RAD54L: variants seen among roughly 807,000 people sequenced by gnomAD.
RAD54L encodes the protein RAD54 like, also known as DNA repair and recombination protein RAD54-like.
In RAD54L, 74 loss-of-function variants were observed where a neutral mutation model predicts 91.6. That is an observed-to-expected ratio of 0.81 (90% CI 0.67 to 0.98). The LOEUF (loss-of-function observed/expected upper bound fraction) is 0.98. Ranked by LOEUF, RAD54L falls within the 50% of genes least tolerant of loss-of-function variation. The pLI, the probability that RAD54L is intolerant of heterozygous loss-of-function variation, is 0.00. For synonymous variants in RAD54L, 304 were observed against 349.7 expected (o/e 0.87, Z 1.46); for missense variants, 887 against 945.7 (o/e 0.94, Z 0.81).
chr1:46,273,596 G>C (rs1213349853), intron 13 of RAD54L, 28 bp from the exon 14 acceptor site: 1 of 1,612,902 alleles, frequency 6.2e-7, no homozygotes, highest in Non-Finnish European at 8.5e-7. Flanking sequence ...ACAGCCAGTA[G>C]GGGACTGCTG....
Position 46,273,658 on chromosome 1 carries a change from G to T in RAD54L, c.1521G>T (p.Val507=), listed in dbSNP as rs1377171523. The change falls in exon 14 of 18, where the codon GTG becomes GTT. Residue 507 remains valine, a synonymous_variant. Transcript: ENST00000371975. ...KMLVLDYILA[V]TRSRSSDKVV... The stretch of plus-strand genomic sequence containing the variant: ...TGGTCCTGGATTATATTCTGGCGGT[G>T]ACCCGAAGCCGTAGCAGTGACAAAG... The T allele has an allele frequency of 6.2e-7, 1 of 1,613,828 alleles. No homozygotes were observed. The highest frequency in any genetic ancestry group is 1.7e-5 in the Admixed American group (1 of 60,006).
At chr1:46,269,112 G>GA (rs1200644006) in intron 9 of RAD54L, among the ~76,000 whole-genome samples, 1 of 152,012 alleles carries the variant, frequency 6.6e-6, no homozygotes, top group Admixed American at 6.6e-5. Flanking sequence ...ATCATATATT[G>GA]AAAAAACCGT....
At chr1:46,275,110 A>C (rs896391737) in intron 16 of RAD54L, among the ~76,000 whole-genome samples, 2 of 151,798 alleles carry the variant, frequency 1.3e-5, no homozygotes, top group African/African-American at 4.8e-5. Context: ...ACTTGACTAC[A>C]CTCTTTTCTT....
intron 12 of RAD54L, 122 bp downstream of exon 12, chr1:46,272,924 G>A: frequency 1.4e-6 from 2 of 1,395,424 alleles, no homozygotes; most frequent in East Asian, 2.3e-5. Flanking sequence ...GGCCACATGT[G>A]ATTCCAACCC....
chr1:46,277,896 A>G lies in RAD54L; in HGVS notation c.1949A>G (p.Gln650Arg), dbSNP rs1198565047. Residue 650 changes from glutamine (Q) to arginine (R), a missense_variant, in exon 17 of 18, where the codon CAG (glutamine) becomes CGG (arginine). Transcript: ENST00000371975. ...ALSSCVVDEE[Q>R]DVERHFSLGE... Reference sequence around the variant, plus strand: ...AGCAGCTGTGTGGTGGATGAGGAGCAGGATGTAGAGCGCCACTTCTCTCTG... The same window carrying G: ...AGCAGCTGTGTGGTGGATGAGGAGCGGGATGTAGAGCGCCACTTCTCTCTG... 34 of 1,613,988 alleles carry G rather than the reference A, an allele frequency of 2.1e-5. No homozygotes were observed. Among genetic ancestry groups the G allele is most frequent in the Non-Finnish European group, 2.8e-5 (33 of 1,180,030 alleles).
intron 8 of RAD54L, among the ~76,000 whole-genome samples, chr1:46,267,000 C>T (rs1183466073): frequency 6.6e-6 from 1 of 152,184 alleles, no homozygotes; most frequent in Admixed American, 6.5e-5. Flanking sequence ...CTGCCTAGTT[C>T]CCAAGGCCCT....
In RAD54L at chr1:46,267,559, A is replaced by G. The variant is rs1214971922; in HGVS notation, c.992A>G (p.Asp331Gly). The G allele has an allele frequency of 6.2e-7, 1 of 1,613,518 alleles. No individual in the cohort carries two copies. The highest frequency in any genetic ancestry group is 1.1e-5 in the South Asian group (1 of 91,058). ...VLISGTPIQN[D>G]LLEYFSLVHF... ...ATCTCCGGAACTCCCATCCAGAATGATCTGCTTGAGTATTTCAGCTTGGTA... is the reference window on the plus strand; with the variant it reads ...ATCTCCGGAACTCCCATCCAGAATGGTCTGCTTGAGTATTTCAGCTTGGTA... Residue 331 changes from aspartate (D) to glycine (G), a missense_variant, in exon 9 of 18, where the codon GAT becomes GGT. Asp to Gly is a moderately conservative substitution (Grantham distance 94). Transcript: ENST00000371975.
intron 9 of RAD54L, among the ~76,000 whole-genome samples, chr1:46,269,761 A>G (rs1204561723): frequency 6.6e-6 from 1 of 152,186 alleles, no homozygotes; most frequent in Non-Finnish European, 1.5e-5. Context: ...GGAACCTTCC[A>G]ATATATTAAT....
Position 46,270,693 on chromosome 1 carries a change from G to A in RAD54L, c.1077G>A (p.Leu359=), listed in dbSNP as rs1660397447. 1 of 1,614,196 alleles carries A rather than the reference G, an allele frequency of 6.2e-7. No homozygotes were observed. The highest frequency in any genetic ancestry group is 8.5e-7 in the Non-Finnish European group (1 of 1,180,020). ...ATGAATTCAAGAAGCATTTTGAATT[G>A]CCAATTTTGAAGGGTCGAGACGCTG... ...TAHEFKKHFE[L]PILKGRDAAA... Residue 359 remains leucine, a synonymous_variant, in exon 10 of 18, where the codon TTG becomes TTA. Transcript: ENST00000371975.
At chr1:46,268,939 A>G (rs1053221829) in intron 9 of RAD54L, among the ~76,000 whole-genome samples, 1 of 151,982 alleles carries the variant, frequency 6.6e-6, no homozygotes, top group African/African-American at 2.4e-5. Context: ...CTAACTTTTA[A>G]ATTTTTTATA....
chr1:46,272,455 G>GTT lies in RAD54L; in HGVS notation c.1170-8_1170-7dup, dbSNP rs1457030916. 1 of 1,599,058 alleles carries GTT rather than the reference G, an allele frequency of 6.3e-7. No individual in the cohort carries two copies. The highest frequency in any genetic ancestry group is 8.6e-7 in the Non-Finnish European group (1 of 1,166,488). ...TACCAGCCTCTTGCCTTTTTATCCT[G>GTT]TTTTCTCTAGATGCCTGATACGGAG... On this transcript the variant is annotated splice_polypyrimidine_tract_variant and intron_variant, in intron 10 of 17. Transcript: ENST00000371975.
At chr1:46,262,003 C>T (rs1569585183) in intron 8 of RAD54L, among the ~76,000 whole-genome samples, 1 of 152,170 alleles carries the variant, frequency 6.6e-6, no homozygotes, top group Non-Finnish European at 1.5e-5. Context: ...TGGTGGTGCA[C>T]CTGTAGTCCC....
intron 8 of RAD54L, among the ~76,000 whole-genome samples, chr1:46,264,315 G>A (rs1660208775): frequency 6.6e-6 from 1 of 152,342 alleles, no homozygotes; most frequent in African/African-American, 2.4e-5. Flanking sequence ...GAGAGGGTTT[G>A]TCCTGTTCAG....
chr1:46,277,708 C>A, intron 16 of RAD54L, 109 bp from the exon 17 acceptor site: 1 of 1,265,386 alleles, frequency 7.9e-7, no homozygotes, highest in Non-Finnish European at 1.1e-6. Flanking sequence ...TTTTATTCAT[C>A]TCCTCTTCTC....
chr1:46,259,927 C>T, intron 4 of RAD54L, 37 bp from the exon 5 acceptor site: 2 of 1,614,006 alleles, frequency 1.2e-6, no homozygotes, highest in Non-Finnish European at 1.7e-6. Context: ...AGCTCCTAAA[C>T]ATAGATTCAG....
chr1:46,273,607 GT>G lies in RAD54L; in HGVS notation c.1487-15del, dbSNP rs1460079891. The G allele has an allele frequency of 1.2e-6, 2 of 1,612,926 alleles. No homozygotes were observed. Among genetic ancestry groups the G allele is most frequent in the African/African-American group, 1.3e-5 (1 of 74,860 alleles). On this transcript the variant is annotated splice_polypyrimidine_tract_variant and intron_variant, in intron 13 of 17. Transcript: ENST00000371975. ...TGGGACAGCCAGTAGGGGACTGCTG[GT>G]TGCTGCTCTTCCCAGGTAAGATGCT...
chr1:46,273,260 C>G (rs1660488248), intron 12 of RAD54L, 95 bp from the exon 13 acceptor site: 3 of 1,002,880 alleles, frequency 3.0e-6, no homozygotes, highest in Non-Finnish European at 4.8e-6. Context: ...TTGAGGAAGG[C>G]CTTTTGGGCT....
At chr1:46,251,599 T>G (rs1198873270) in intron 3 of RAD54L, among the ~76,000 whole-genome samples, 1 of 151,958 alleles carries the variant, frequency 6.6e-6, no homozygotes, top group Non-Finnish European at 1.5e-5. Context: ...GTTTAATTGG[T>G]TCTTTGAACT....
intron 2 of RAD54L, 63 bp from the exon 3 acceptor site, chr1:46,249,937 A>AGTTGCCATTATGGTGATTTCTGT: frequency 6.4e-7 from 1 of 1,573,796 alleles, no homozygotes; most frequent in East Asian, 2.2e-5. Context: ...TTCAAGTGTT[A>AGTTGCCATTATGGTGATTTCTGT]GTTGCCATTA....
Sources: allele counts gnomAD v4.1 joint callset (sites outside exome capture counted in the v4.1 genomes callset), GRCh38; gene constraint gnomAD v4.1.1; transcripts MANE v1.5; gene names NCBI Gene and HGNC (gene_info 2026-07-23, HGNC 2026-07-21).